MACROD1: variants seen among roughly 807,000 people sequenced by gnomAD.
The protein encoded by MACROD1 is ADP-ribose glycohydrolase MACROD1.
A neutral mutation model predicts 41.4 loss-of-function variants in MACROD1; 31 were observed. The ratio of observed to expected loss-of-function variants is 0.75; its 90% CI spans 0.56 to 1.01. The LOEUF (loss-of-function observed/expected upper bound fraction) is 1.01. Among genes scored for constraint, MACROD1 ranks in the 50% least tolerant of loss-of-function variants. MACROD1 has a pLI of 0.00. For missense variants in MACROD1, 473 were observed against 460.0 expected (o/e 1.03, Z -0.26); for synonymous variants, 252 against 203.4 (o/e 1.24, Z -2.03).
intron 3 of MACROD1, among the ~76,000 whole-genome samples, chr11:64,137,630 C>G (rs1413576412): frequency 6.6e-6 from 1 of 152,108 alleles, no homozygotes; most frequent in Non-Finnish European, 1.5e-5. Context: ...AGCCAAGATA[C>G]CCCCAAGTAG....
At chr11:64,131,698 G>A (rs1224852404) in intron 3 of MACROD1, among the ~76,000 whole-genome samples, 7 of 152,172 alleles carry the variant, frequency 4.6e-5, no homozygotes, top group Admixed American at 1.3e-4. Context: ...TTCAGGCTGT[G>A]ACTACCAACC....
chr11:64,118,241 G>A (rs764056550), intron 3 of MACROD1: 43 of 1,608,076 alleles, frequency 2.7e-5, no homozygotes, highest in Middle Eastern at 1.7e-4. Flanking sequence ...ACGGCACCAC[G>A]CGGGGCTACC....
chr11:64,052,271 T>G (rs1220999967), intron 3 of MACROD1, among the ~76,000 whole-genome samples: 1 of 152,030 alleles, frequency 6.6e-6, no homozygotes, highest in Non-Finnish European at 1.5e-5. Context: ...AAAAAACAAC[T>G]TTTTTTGCTG....
At chr11:64,058,791 G>A (rs1943841718) in intron 3 of MACROD1, among the ~76,000 whole-genome samples, 1 of 152,210 alleles carries the variant, frequency 6.6e-6, no homozygotes, top group African/African-American at 2.4e-5. Flanking sequence ...CATCGGCCAG[G>A]GCCTGGATCC....
intron 3 of MACROD1, among the ~76,000 whole-genome samples, chr11:64,113,708 C>T (rs1298199519): frequency 7.6e-6 from 1 of 130,888 alleles, no homozygotes; most frequent in African/African-American, 3.0e-5. Context: ...GATGGACGGA[C>T]AGGTGGATGC....
intron 3 of MACROD1, chr11:64,116,216 C>T: frequency 1.3e-6 from 2 of 1,557,148 alleles, no homozygotes; most frequent in South Asian, 1.2e-5. Flanking sequence ...GTGCTCCTTG[C>T]AGGTATTCAG....
At chr11:64,137,279 G>T (rs759729167) in intron 3 of MACROD1, among the ~76,000 whole-genome samples, 2 of 152,092 alleles carry the variant, frequency 1.3e-5, no homozygotes, top group Non-Finnish European at 2.9e-5. Context: ...GGGCAGCGGC[G>T]GGGGGGTCTC....
intron 3 of MACROD1, among the ~76,000 whole-genome samples, chr11:64,039,203 G>A (rs971397550): frequency 6.6e-6 from 1 of 152,154 alleles, no homozygotes; most frequent in African/African-American, 2.4e-5. Context: ...TGGGGTGCGT[G>A]AGGCATGTGG....
At position 64,090,555 on chromosome 11, in the gene MACROD1, G is replaced by A. The variant is rs981115929; in HGVS notation, c.517+60684C>T. On this transcript the variant is annotated intron_variant, in intron 3 of 10. Coordinates refer to ENST00000255681, the MANE Select transcript of MACROD1 (RefSeq NM_014067.4). This position sits in a 1 kb window ranked among gnomAD's most constrained non-coding sequence, Gnocchi z 4.7. ...CGGCTCTGCCTGCTCACAGGTGGCT[G>A]GGCCAGGAGGCTCCGGGATGAGGCA... 8.5e-5 allele frequency among the ~76,000 whole-genome samples: 13 copies of A among 152,158 alleles called. No individual in the cohort carries two copies. The highest frequency in any genetic ancestry group is 3.1e-4 in the African/African-American group (13 of 41,438).
chr11:64,008,160 G>A (rs1942944639), intron 4 of MACROD1, among the ~76,000 whole-genome samples: 3 of 152,238 alleles, frequency 2.0e-5, no homozygotes, highest in Admixed American at 2.0e-4. Flanking sequence ...ACCAGCCAGA[G>A]CCAGAGAGAA....
chr11:64,110,281 C>A (rs1257818365), intron 3 of MACROD1, among the ~76,000 whole-genome samples: 2 of 151,942 alleles, frequency 1.3e-5, no homozygotes, highest in African/African-American at 4.8e-5. Context: ...AAAACCCCAT[C>A]TCTGCAAAAA....
rs766088191 is a variant in MACROD1, at chr11:64,131,804, G to A, written c.517+19435C>T. On this transcript the variant is annotated intron_variant, in intron 3 of 10. Coordinates refer to ENST00000255681, the MANE Select transcript of MACROD1 (RefSeq NM_014067.4). ...GAGCCCCCTGCCCTGTGGAGCTCAC[G>A]TGCTGCCTGCCGGTAAGTGTTGAGT... Among the ~76,000 whole-genome samples, 8 of 152,350 alleles carry A rather than the reference G, an allele frequency of 5.3e-5. No individual in the cohort carries two copies. In the South Asian group the frequency reaches 1.4e-3, roughly 28 times the overall value.
At chr11:64,028,360 C>A (rs1049217778) in intron 3 of MACROD1, among the ~76,000 whole-genome samples, 13 of 152,242 alleles carry the variant, frequency 8.5e-5, no homozygotes, top group African/African-American at 2.4e-4. Flanking sequence ...GCCTTAGGGC[C>A]CCCCTGGCCT....
At chr11:64,165,236 C>T (rs1945820212) in intron 1 of MACROD1, among the ~76,000 whole-genome samples, 1 of 152,182 alleles carries the variant, frequency 6.6e-6, no homozygotes, top group Admixed American at 6.5e-5. Context: ...TTCCCTCAGC[C>T]CCATTCCCGA....
intron 3 of MACROD1, among the ~76,000 whole-genome samples, chr11:64,022,489 A>G (rs1273622260): frequency 1.3e-5 from 2 of 152,034 alleles, no homozygotes; most frequent in Admixed American, 1.3e-4. Flanking sequence ...AGGGGAGCGG[A>G]GTTTGTTCTT....
chr11:64,027,559 G>A (rs1943238329), intron 3 of MACROD1, among the ~76,000 whole-genome samples: 1 of 152,174 alleles, frequency 6.6e-6, no homozygotes, highest in Non-Finnish European at 1.5e-5. Context: ...AGTGGTAGCT[G>A]TAGCCCCGCC....
chr11:64,076,467 C>T (rs529521326), intron 3 of MACROD1, among the ~76,000 whole-genome samples: 2 of 151,940 alleles, frequency 1.3e-5, no homozygotes, highest in South Asian at 4.2e-4. Context: ...GATGGACGGA[C>T]GGACGAATGG....
At chr11:63,999,096 A>ACTGC (rs1942769621) in intron 8 of MACROD1, 60 bp from the exon 9 acceptor site, 1 of 1,491,418 alleles carries the variant, frequency 6.7e-7, no homozygotes, top group African/African-American at 1.4e-5. Flanking sequence ...GGATCCTGTG[A>ACTGC]CTGCCTGCCC....
chr11:64,012,125 C>T (rs1044839233), intron 4 of MACROD1, among the ~76,000 whole-genome samples: 13 of 152,314 alleles, frequency 8.5e-5, no homozygotes, highest in South Asian at 8.3e-4. Flanking sequence ...CAGGGGCACC[C>T]GCCCCGTCCA....
Sources: gnomAD v4.1 joint callset for allele counts (sites outside exome capture counted in the v4.1 genomes callset) on GRCh38, gnomAD v4.1.1 for gene constraint, Gnocchi (gnomAD v3.1) non-coding constraint, MANE v1.5 for transcripts, NCBI Gene and HGNC (gene_info 2026-07-23, HGNC 2026-07-21) for gene names.